Variants in EPB41L4A observed in about 807,000 individuals in gnomAD.
The protein encoded by EPB41L4A is erythrocyte membrane protein band 4.1 like 4A.
Under a neutral mutation model 108.6 loss-of-function variants are expected in EPB41L4A, and 100 were observed. The ratio of observed to expected loss-of-function variants is 0.92; its 90% CI spans 0.78 to 1.09. The LOEUF is 1.09. Among genes scored for constraint, EPB41L4A ranks in the 50% least tolerant of loss-of-function variants. EPB41L4A has a pLI of 0.00. For missense variants in EPB41L4A, 1,030 were observed against 842.7 expected (o/e 1.22, Z -2.75); for synonymous variants, 319 against 289.0 (o/e 1.10, Z -1.05).
chr5:112,317,542 A>G (rs713259), intron 1 of EPB41L4A, among the ~76,000 whole-genome samples: 18,479 of 152,216 alleles, frequency 0.12, 1,473 homozygotes, highest in East Asian at 0.36. Context: ...GACCCTTTCA[A>G]TGGTGCATGA....
chr5:112,220,339 G>T (rs1747960314), intron 12 of EPB41L4A, among the ~76,000 whole-genome samples: 1 of 152,074 alleles, frequency 6.6e-6, no homozygotes, highest in South Asian at 2.1e-4. Flanking sequence ...ATGAGAAAAT[G>T]ACTTAGAAAA....
chr5:112,360,555 G>A (rs568383015), intron 1 of EPB41L4A, among the ~76,000 whole-genome samples: 6 of 152,332 alleles, frequency 3.9e-5, no homozygotes, highest in Admixed American at 2.0e-4. Context: ...GATTGCAGAC[G>A]GAGTCTCGCT....
At chr5:112,209,268 G>A (rs1762615634) in intron 13 of EPB41L4A, among the ~76,000 whole-genome samples, 1 of 152,186 alleles carries the variant, frequency 6.6e-6, no homozygotes, top group Non-Finnish European at 1.5e-5. Flanking sequence ...GCTGTTCCGT[G>A]AACATAATTG....
chr5:112,155,041 G>A (rs758741381), intron 12 of EPB41L4A, among the ~76,000 whole-genome samples: 5 of 151,966 alleles, frequency 3.3e-5, no homozygotes, highest in Admixed American at 6.6e-5. Context: ...GTCCATTAAG[G>A]AAACTGAAAT....
At chr5:112,191,830 G>C (rs540951403) in intron 17 of EPB41L4A, among the ~76,000 whole-genome samples, 1 of 152,220 alleles carries the variant, frequency 6.6e-6, no homozygotes, top group African/African-American at 2.4e-5. Context: ...AATTTGCCCG[G>C]TAGTTGTCCC....
intron 13 of EPB41L4A, chr5:112,205,891 G>C: frequency 5.3e-6 from 1 of 187,140 alleles, no homozygotes; most frequent in East Asian, 1.7e-4. Flanking sequence ...TTACAACAGT[G>C]ATCAGAGAAG....
chr5:112,168,971 G>T, intron 21 of EPB41L4A, 24 bp downstream of exon 21: 1 of 1,560,980 alleles, frequency 6.4e-7, no homozygotes, highest in Non-Finnish European at 8.8e-7. Context: ...GATGGTGATG[G>T]TGTACTCTGG....
intron 17 of EPB41L4A, among the ~76,000 whole-genome samples, chr5:112,193,554 G>A (rs1761812575): frequency 6.6e-6 from 1 of 152,156 alleles, no homozygotes; most frequent in South Asian, 2.1e-4. Flanking sequence ...GCCTGCCTTG[G>A]CCTCCCAAAG....
intron 20 of EPB41L4A, chr5:112,170,061 G>C (rs189962523): frequency 2.2e-6 from 1 of 458,626 alleles, no homozygotes; most frequent in Admixed American, 4.3e-5. Context: ...ACATTAATCA[G>C]GAAAAGCCCC....
chr5:112,388,915 C>T (rs951152946), intron 1 of EPB41L4A, among the ~76,000 whole-genome samples: 6 of 152,180 alleles, frequency 3.9e-5, no homozygotes, highest in African/African-American at 1.4e-4. Context: ...TCCCCTTTAG[C>T]CCCCTGCTAT....
intron 17 of EPB41L4A, among the ~76,000 whole-genome samples, chr5:112,194,136 G>C (rs973511725): frequency 2.7e-5 from 4 of 148,388 alleles, no homozygotes; most frequent in East Asian, 1.9e-4. Context: ...CATATTATTA[G>C]CATATATATA....
intron 22 of EPB41L4A, among the ~76,000 whole-genome samples, chr5:112,165,602 G>A (rs941548765): frequency 1.3e-5 from 2 of 152,192 alleles, no homozygotes; most frequent in Non-Finnish European, 2.9e-5. Context: ...CCACTAGTTT[G>A]TAAAACTTAG....
At chr5:112,245,196 A>G (rs1390818851) in intron 9 of EPB41L4A, among the ~76,000 whole-genome samples, 2 of 152,202 alleles carry the variant, frequency 1.3e-5, no homozygotes, top group East Asian at 3.8e-4. Context: ...TAAGCAAAAC[A>G]CAATATGAAT....
downstream of EPB41L4A, chr5:112,161,031 GC>G (rs1759861705): frequency 6.3e-6 from 1 of 158,420 alleles, no homozygotes; most frequent in African/African-American, 2.4e-5. Context: ...AGTGTCCGGG[GC>G]CGTGAACAAG....
chr5:112,342,385 T>C (rs1165838081), intron 1 of EPB41L4A, among the ~76,000 whole-genome samples: 2 of 152,194 alleles, frequency 1.3e-5, no homozygotes, highest in Non-Finnish European at 2.9e-5. Flanking sequence ...GAATGCTTTA[T>C]TCATAGAAAT....
intron 1 of EPB41L4A, among the ~76,000 whole-genome samples, chr5:112,415,633 C>T (rs1762667495): frequency 6.6e-6 from 1 of 152,152 alleles, no homozygotes; most frequent in Non-Finnish European, 1.5e-5. Flanking sequence ...AGAAAGTTAT[C>T]TACCTCCCTC....
At chr5:112,169,755 T>A (rs1036251127) in intron 20 of EPB41L4A, among the ~76,000 whole-genome samples, 8 of 152,210 alleles carry the variant, frequency 5.3e-5, no homozygotes, top group Admixed American at 1.3e-4. Context: ...ACCTGCTATT[T>A]AACTGTGGTG....
At chr5:112,302,674 C>A (rs1201379233) in intron 2 of EPB41L4A, among the ~76,000 whole-genome samples, 1 of 152,116 alleles carries the variant, frequency 6.6e-6, no homozygotes, top group Non-Finnish European at 1.5e-5. Context: ...TGGTTTGAAC[C>A]CATACAGTCT....
chr5:112,204,404 G>T lies in EPB41L4A; in HGVS notation c.1347C>A (p.Asp449Glu). 1 of 1,613,584 alleles carries T rather than the reference G, an allele frequency of 6.2e-7. No homozygotes were observed. The highest frequency in any genetic ancestry group is 1.3e-5 in the African/African-American group (1 of 75,016). ...TCCTCACAGGCTGTACAGAATCATT[G>T]TCACTTCCACAGGAGGGGTTTCGGC... is the stretch of plus-strand genomic sequence containing the variant. The part of the protein sequence containing the change: ...TRRRNPSCGS[D>E]NDSVQPVRRR... Residue 449 changes from aspartate (D) to glutamate (E), a missense_variant, in exon 15 of 23, where the codon GAC becomes GAA. Transcript: ENST00000261486.
Sources: gnomAD v4.1 joint callset for allele counts (sites outside exome capture counted in the v4.1 genomes callset) on GRCh38, gnomAD v4.1.1 for gene constraint, MANE v1.5 for transcripts, NCBI Gene and HGNC (gene_info 2026-07-23, HGNC 2026-07-21) for gene names.